WNT10A: variants seen among roughly 807,000 people sequenced by gnomAD.
WNT10A encodes the protein Wnt family member 10A, also known as protein Wnt-10a.
A neutral mutation model predicts 36.1 loss-of-function variants in WNT10A; 37 were observed. That is an observed-to-expected ratio of 1.02 (90% CI 0.79 to 1.35). The LOEUF (loss-of-function observed/expected upper bound fraction) is 1.35, where lower values mean the gene tolerates loss of function less well. WNT10A is among the 40% of genes most tolerant of loss of function. The pLI is 0.00. For missense variants in WNT10A, 613 were observed against 601.4 expected, an observed-to-expected ratio of 1.02 and a Z score of -0.20; for synonymous variants, 255 against 254.1, an observed-to-expected ratio of 1.00 and a Z score of -0.03.
chr2:218,878,666 C>G (rs1346251808), upstream of WNT10A, among the ~76,000 whole-genome samples: 1 of 152,068 alleles, frequency 6.6e-6, no homozygotes, highest in African/African-American at 2.4e-5. The surrounding 1 kb of genome is among the most constrained non-coding windows in gnomAD (Gnocchi z 4.1). Flanking sequence ...CACAATGGCC[C>G]ACCCCAGGGG....
At chr2:218,888,478 T>C (rs1247836106) in intron 2 of WNT10A, among the ~76,000 whole-genome samples, 2 of 152,208 alleles carry the variant, frequency 1.3e-5, no homozygotes, top group Non-Finnish European at 2.9e-5. Flanking sequence ...GAACATCTGG[T>C]GGAAGGTATC....
In WNT10A at chr2:218,893,696, G is replaced by T. The variant is rs1944684408; in HGVS notation, c.*425G>T. ...AAGAAATAGACATAACTGAGCTGAA[G>T]TAATTCCATAAAGGGCCCAGACAGC... is the stretch of plus-strand genomic sequence containing the variant. On this transcript the variant is annotated 3_prime_UTR_variant, in exon 4 of 4. Transcript: ENST00000258411. The surrounding 1 kb of genome is among the most constrained non-coding windows in gnomAD (Gnocchi z 6.3). The T allele has an allele frequency of 5.8e-6, 1 of 171,618 alleles. No homozygotes were observed. The highest frequency in any genetic ancestry group is 6.3e-5 in the Admixed American group (1 of 15,780). The allele number at this position is 171,618 out of a possible 1,614,324, so 10.6% of individuals were successfully genotyped here. A position where few individuals can be genotyped will look rare whatever the true frequency, so the allele number is the denominator to read the frequency against.
chr2:218,892,673 T>G, intron 3 of WNT10A, 101 bp from the exon 4 acceptor site: 1 of 1,514,694 alleles, frequency 6.6e-7, no homozygotes, highest in Non-Finnish European at 8.9e-7. Flanking sequence ...AGCGTTTGCC[T>G]CTGTATAATG....
chr2:218,883,419 T>G (rs1944540723), intron 2 of WNT10A, among the ~76,000 whole-genome samples: 1 of 152,072 alleles, frequency 6.6e-6, no homozygotes, highest in South Asian at 2.1e-4. Context: ...TACCTCAAAT[T>G]CGGAAAACTC....
intron 2 of WNT10A, chr2:218,884,118 G>A (rs996590087): frequency 6.6e-6 from 1 of 152,508 alleles, no homozygotes; most frequent in Non-Finnish European, 1.5e-5. Flanking sequence ...CCCTCTCCTC[G>A]GCCTTGGTGT....
At chr2:218,883,186 C>T (rs1477173555) in intron 2 of WNT10A, among the ~76,000 whole-genome samples, 1 of 152,188 alleles carries the variant, frequency 6.6e-6, no homozygotes, top group African/African-American at 2.4e-5. Context: ...ACCTCCTGGC[C>T]TGGTATCTCA....
chr2:218,891,631 C>G (rs898058043), intron 3 of WNT10A, among the ~76,000 whole-genome samples: 1 of 152,178 alleles, frequency 6.6e-6, no homozygotes, highest in Non-Finnish European at 1.5e-5. Context: ...TCCTCCTCCT[C>G]GTTAAACTGG....
At chr2:218,879,283 C>G (rs1313727070), upstream of WNT10A, among the ~76,000 whole-genome samples, 4 of 152,222 alleles carry the variant, frequency 2.6e-5, no homozygotes, top group Non-Finnish European at 5.9e-5. Context: ...AGGAATGGGC[C>G]TTTTTTGTCT....
upstream of WNT10A, among the ~76,000 whole-genome samples, chr2:218,879,497 AG>A (rs1944485518): frequency 6.6e-6 from 1 of 152,214 alleles, no homozygotes. Context: ...TCTGGCTCTC[AG>A]GCCCTTGCTT....
At chr2:218,886,218 C>T (rs776710245) in intron 2 of WNT10A, among the ~76,000 whole-genome samples, 2 of 151,666 alleles carry the variant, frequency 1.3e-5, no homozygotes, top group South Asian at 2.1e-4. Context: ...CGTGCACGCA[C>T]ACACACACAC....
intron 1 of WNT10A, 79 bp from the exon 2 acceptor site, chr2:218,882,082 G>A (rs1221714899): frequency 1.7e-5 from 26 of 1,546,078 alleles, no homozygotes; most frequent in African/African-American, 2.7e-5. Context: ...TATGGCCGTT[G>A]GGACAGAGTG....
intron 1 of WNT10A, 61 bp downstream of exon 1, chr2:218,881,169 T>A: frequency 1.3e-6 from 2 of 1,549,520 alleles, no homozygotes; most frequent in South Asian, 2.4e-5. Flanking sequence ...TGCAGGGGCC[T>A]CTGATGCTCT....
At chr2:218,880,207 G>A (rs1411104286), upstream of WNT10A, among the ~76,000 whole-genome samples, 1 of 152,184 alleles carries the variant, frequency 6.6e-6, no homozygotes, top group African/African-American at 2.4e-5. The surrounding 1 kb of genome is among the most constrained non-coding windows in gnomAD (Gnocchi z 7.7). Flanking sequence ...AGGTGTGTGT[G>A]TTGGGGTGGG....
intron 2 of WNT10A, among the ~76,000 whole-genome samples, chr2:218,886,638 C>G (rs1262999903): frequency 2.6e-4 from 38 of 145,762 alleles, no homozygotes; most frequent in African/African-American, 9.5e-4. Context: ...ACCCACCCCC[C>G]CACCGCTGCC....
upstream of WNT10A, among the ~76,000 whole-genome samples, chr2:218,876,629 G>A (rs1212186432): frequency 6.6e-6 from 1 of 152,194 alleles, no homozygotes; most frequent in Non-Finnish European, 1.5e-5. Context: ...TACCAAAGGA[G>A]ACAGTGGAAA....
chr2:218,890,659 G>T (rs1242262337), intron 3 of WNT10A, among the ~76,000 whole-genome samples: 1 of 152,128 alleles, frequency 6.6e-6, no homozygotes, highest in Non-Finnish European at 1.5e-5. Context: ...GAAAGGACAG[G>T]GGTGCAGTCA....
Position 218,893,459 on chromosome 2 carries a change from A to C in WNT10A, c.*188A>C. Reference sequence around the variant, plus strand: ...GACAGTCCAGGCCTGTCTGAACCCCACCACTCACTTCTGTGGGCTCTAGGA... The same window carrying C: ...GACAGTCCAGGCCTGTCTGAACCCCCCCACTCACTTCTGTGGGCTCTAGGA... On this transcript the variant is annotated 3_prime_UTR_variant, in exon 4 of 4. Coordinates refer to ENST00000258411, the MANE Select transcript of WNT10A (RefSeq NM_025216.3). The surrounding 1 kb of genome is among the most constrained non-coding windows in gnomAD (Gnocchi z 6.3). The C allele has an allele frequency of 2.6e-6, 2 of 760,972 alleles. No individual in the cohort carries two copies. Among genetic ancestry groups the C allele is most frequent in the Non-Finnish European group, 4.0e-6 (2 of 502,366 alleles). The allele number at this position is 760,972 out of a possible 1,614,324, so 47.1% of individuals were successfully genotyped here. A position where few individuals can be genotyped will look rare whatever the true frequency, so the allele number is the denominator to read the frequency against.
chr2:218,880,698 C>T (rs1944500375), upstream of WNT10A: 2 of 357,144 alleles, frequency 5.6e-6, no homozygotes, highest in East Asian at 1.2e-4. The surrounding 1 kb of genome is among the most constrained non-coding windows in gnomAD (Gnocchi z 7.7). Context: ...CCCCCCTTAC[C>T]CTTGAGAGGC....
rs747317988 is a variant in WNT10A at position 218,882,179 on chromosome 2, T to C, written c.132T>C (p.Ile44=). ...TCTGCAGGTCAGCACCCAATGACAT[T>C]CTGGACCTCCGCCTCCCCCCGGAGC... ...AAMPRSAPND[I]LDLRLPPEPV... Residue 44 remains isoleucine, a synonymous_variant, in exon 2 of 4, where the codon ATT becomes ATC. Transcript: ENST00000258411. The C allele has an allele frequency of 6.2e-7, 1 of 1,613,996 alleles. No homozygotes were observed. The highest frequency in any genetic ancestry group is 2.2e-5 in the East Asian group (1 of 44,878).
Sources: allele counts gnomAD v4.1 joint callset (sites outside exome capture counted in the v4.1 genomes callset), GRCh38; gene constraint gnomAD v4.1.1; non-coding constraint Gnocchi (gnomAD v3.1); transcripts MANE v1.5; gene names NCBI Gene and HGNC (gene_info 2026-07-23, HGNC 2026-07-21).